The following CSMD1 variants were observed in gnomAD, a reference collection of about 807,000 sequenced individuals.
The protein encoded by CSMD1 is CUB and Sushi multiple domains 1.
CSMD1 carries 213 observed loss-of-function variants against 417.5 expected under a neutral mutation model. The ratio of observed to expected loss-of-function variants is 0.51; its 90% CI spans 0.46 to 0.57. CSMD1 has a LOEUF of 0.57. CSMD1 is among the 20% of genes least tolerant of loss of function. The pLI is 0.00. For missense variants in CSMD1, 6,923 were observed against 4,529.7 expected (o/e 1.53, Z -15.17); for synonymous variants, 2,862 against 1,736.8 (o/e 1.65, Z -16.11).
At chr8:3,114,154 G>C (rs557708628) in intron 42 of CSMD1, among the ~76,000 whole-genome samples, 2 of 152,176 alleles carry the variant, frequency 1.3e-5, no homozygotes, top group African/African-American at 4.8e-5. Context: ...TGAAGTAGGA[G>C]GATTGCTTGA....
intron 1 of CSMD1, among the ~76,000 whole-genome samples, chr8:4,948,041 AGGAATGTAG>A (rs1247138799): frequency 6.6e-6 from 1 of 151,966 alleles, no homozygotes; most frequent in Non-Finnish European, 1.5e-5. Flanking sequence ...ACTTTTCTGT[AGGAATGTAG>A]ATACCATAGT....
intron 7 of CSMD1, among the ~76,000 whole-genome samples, chr8:3,678,523 A>T (rs964038659): frequency 1.3e-5 from 2 of 152,208 alleles, no homozygotes; most frequent in African/African-American, 4.8e-5. Flanking sequence ...GCCTCCAAGA[A>T]ATATGGGACT....
intron 10 of CSMD1, among the ~76,000 whole-genome samples, chr8:3,557,319 G>C (rs1202710558): frequency 2.0e-5 from 3 of 152,150 alleles, no homozygotes; most frequent in African/African-American, 7.2e-5. Flanking sequence ...TTTAATTATG[G>C]CAGACCATCG....
At chr8:4,314,391 C>G (rs1264287905) in intron 3 of CSMD1, among the ~76,000 whole-genome samples, 1 of 152,200 alleles carries the variant, frequency 6.6e-6, no homozygotes, top group Non-Finnish European at 1.5e-5. Context: ...CCAGAGTTCA[C>G]AGGCAAACTA....
At chr8:4,770,369 A>T (rs942186947) in intron 1 of CSMD1, among the ~76,000 whole-genome samples, 2 of 148,706 alleles carry the variant, frequency 1.3e-5, no homozygotes, top group African/African-American at 4.9e-5. Flanking sequence ...TATTATATAT[A>T]TATGTAGTAC....
intron 3 of CSMD1, among the ~76,000 whole-genome samples, chr8:4,370,080 T>C (rs1286845615): frequency 6.6e-6 from 1 of 152,122 alleles, no homozygotes; most frequent in East Asian, 1.9e-4. Context: ...TCGGTGGTAG[T>C]CATTCTTTCA....
chr8:3,610,421 AC>A (rs1413345445), intron 8 of CSMD1, among the ~76,000 whole-genome samples: 1 of 151,888 alleles, frequency 6.6e-6, no homozygotes, highest in African/African-American at 2.4e-5. Context: ...TATACTCCCA[AC>A]TACACAGGAG....
At chr8:4,020,939 A>T (rs1204604127) in intron 4 of CSMD1, among the ~76,000 whole-genome samples, 2 of 152,236 alleles carry the variant, frequency 1.3e-5, no homozygotes, top group South Asian at 4.1e-4. Flanking sequence ...AGAATTTCCA[A>T]CACATTGTGA....
At chr8:4,795,099 T>C (rs1390581784) in intron 1 of CSMD1, among the ~76,000 whole-genome samples, 2 of 151,664 alleles carry the variant, frequency 1.3e-5, no homozygotes, top group African/African-American at 4.8e-5. Context: ...AAGAATCAGG[T>C]GGAATAGATA....
In CSMD1 at chr8:3,407,959, G is replaced by A. The variant is rs1244094374; in HGVS notation, c.2011C>T (p.Arg671Cys). ...SQLASSGHIV[R>C]LEFQSDHSTT... is the part of the protein sequence containing the mutation. ...GAATGGTCAGACTGAAATTCCAAGC[G>A]AACTATATGCCCACTGCTGGCCAGC... Residue 671 changes from arginine (R) to cysteine (C), a missense_variant, in exon 14 of 70, where the codon CGC becomes TGC. Transcript: ENST00000635120. The A allele has an allele frequency of 9.9e-6, 16 of 1,613,406 alleles. No individual in the cohort carries two copies. Among genetic ancestry groups the A allele is most frequent in the African/African-American group, 2.7e-5 (2 of 74,868 alleles).
chr8:3,367,286 A>G, intron 19 of CSMD1, 39 bp from the exon 20 acceptor site: 1 of 1,471,730 alleles, frequency 6.8e-7, no homozygotes, highest in Non-Finnish European at 9.3e-7. Flanking sequence ...AGAGACAGAG[A>G]GAGACACACG....
rs868347158 is a variant in CSMD1 at position 3,719,299 on chromosome 8, G to C, written c.932-10808C>G. 1.4e-4 allele frequency among the ~76,000 whole-genome samples: 21 copies of C among 152,150 alleles called. 1 individual carries two copies. Among genetic ancestry groups the C allele is most frequent in the Middle Eastern group, 3.4e-3 (1 of 294 alleles). On this transcript the variant is annotated intron_variant, in intron 6 of 69. Transcript: ENST00000635120. ...TCAGCAAAAAGGCCACTGCCCTAGA[G>C]GCCCAGATAGCTGAGCTCCAATCTC...
chr8:4,118,265 T>G (rs762632337), intron 3 of CSMD1, among the ~76,000 whole-genome samples: 1 of 152,166 alleles, frequency 6.6e-6, no homozygotes, highest in Non-Finnish European at 1.5e-5. Flanking sequence ...AAACATGCCC[T>G]TAAGAAATGC....
At chr8:3,529,239 T>C (rs1797877847) in intron 10 of CSMD1, among the ~76,000 whole-genome samples, 1 of 152,228 alleles carries the variant, frequency 6.6e-6, no homozygotes. Context: ...AAAATGCCAG[T>C]AGCTCATATT....
intron 1 of CSMD1, among the ~76,000 whole-genome samples, chr8:4,649,465 C>T (rs1431036248): frequency 6.6e-6 from 1 of 152,164 alleles, no homozygotes; most frequent in Non-Finnish European, 1.5e-5. Context: ...TCCAAAGCCA[C>T]ATATACAAAG....
At chr8:4,424,002 C>A (rs1797404378) in intron 2 of CSMD1, among the ~76,000 whole-genome samples, 1 of 151,822 alleles carries the variant, frequency 6.6e-6, no homozygotes. Context: ...AATTGGATGT[C>A]CATAGCAAAT....
chr8:4,990,145 C>A (rs893373197), intron 1 of CSMD1, among the ~76,000 whole-genome samples: 9 of 152,158 alleles, frequency 5.9e-5, no homozygotes, highest in Non-Finnish European at 1.2e-4. Flanking sequence ...TTTGATGAGA[C>A]CTCATTGCCC....
At chr8:4,713,284 T>C (rs1393577059) in intron 1 of CSMD1, among the ~76,000 whole-genome samples, 1 of 152,258 alleles carries the variant, frequency 6.6e-6, no homozygotes, top group Non-Finnish European at 1.5e-5. Context: ...GTAGTTTAAG[T>C]TGGTTTTTGG....
At chr8:4,717,515 C>A (rs764325222) in intron 1 of CSMD1, among the ~76,000 whole-genome samples, 7 of 151,180 alleles carry the variant, frequency 4.6e-5, no homozygotes, top group Non-Finnish European at 8.8e-5. Flanking sequence ...TGACAAGATT[C>A]AGTTACAAAC....
Sources: gnomAD v4.1 joint callset for allele counts (sites outside exome capture counted in the v4.1 genomes callset) on GRCh38, gnomAD v4.1.1 for gene constraint, MANE v1.5 for transcripts, NCBI Gene and HGNC (gene_info 2026-07-23, HGNC 2026-07-21) for gene names.